Variants in NPC1 observed in about 807,000 individuals in gnomAD.
NPC1 encodes Niemann-Pick C1 protein.
Under a neutral mutation model 140.4 loss-of-function variants are expected in NPC1, and 85 were observed. The ratio of observed to expected loss-of-function variants is 0.61; its 90% CI spans 0.51 to 0.72. The LOEUF (loss-of-function observed/expected upper bound fraction) is 0.72, where lower values mean the gene tolerates loss of function less well. Ranked by LOEUF, NPC1 falls within the 30% of genes least tolerant of loss-of-function variation. The pLI, the probability that NPC1 is intolerant of heterozygous loss-of-function variation, is 0.00. For missense variants in NPC1, 1,504 were observed against 1,623.8 expected (o/e 0.93, Z 1.27); for synonymous variants, 656 against 624.8 (o/e 1.05, Z -0.74).
downstream of NPC1, among the ~76,000 whole-genome samples, chr18:23,521,216 A>G (rs2058133714): frequency 6.6e-6 from 1 of 152,248 alleles, no homozygotes; most frequent in South Asian, 2.1e-4. Context: ...TATGTTGTGA[A>G]AAAAGCATTT....
chr18:23,520,095 C>T (rs1019476870), downstream of NPC1: 1 of 806,578 alleles, frequency 1.2e-6, no homozygotes, highest in Non-Finnish European at 2.1e-6. Context: ...GGAGGAAATG[C>T]AAACACAGGC....
intron 10 of NPC1, among the ~76,000 whole-genome samples, 183 bp from the exon 11 acceptor site, chr18:23,548,291 G>C (rs2058817293): frequency 6.6e-6 from 1 of 151,346 alleles, no homozygotes; most frequent in African/African-American, 2.4e-5. Context: ...TGAATAAAAA[G>C]GATTTTTTAT....
intron 20 of NPC1, among the ~76,000 whole-genome samples, chr18:23,537,661 C>G (rs1229580165): frequency 1.3e-5 from 2 of 152,206 alleles, no homozygotes; most frequent in African/African-American, 4.8e-5. Context: ...CAGGGAGTGC[C>G]TGGCATGACG....
intron 2 of NPC1, among the ~76,000 whole-genome samples, chr18:23,573,108 T>C (rs763718254): frequency 7.9e-5 from 12 of 152,198 alleles, no homozygotes; most frequent in Non-Finnish European, 1.3e-4. Flanking sequence ...ACAGAGTCCA[T>C]TTGAGTCCTG....
rs748565840 is a variant in NPC1 at position 23,533,357 on chromosome 18, A to G, written c.3752T>C (p.Ile1251Thr). The G allele has an allele frequency of 1.2e-6, 2 of 1,613,962 alleles. No homozygotes were observed. Among genetic ancestry groups the G allele is most frequent in the Admixed American group, 1.7e-5 (1 of 60,036 alleles). The change falls in exon 24 of 25, where the codon ATA (isoleucine) becomes ACA (threonine). Residue 1251 changes from isoleucine (I) to threonine (T), a missense_variant and splice_region_variant. Physicochemically the swap from Ile to Thr is moderately conservative, Grantham distance 89. Transcript: ENST00000269228. ...LIFLPVLLSYIGPSVNKAKSC... is the reference protein window; with the variant it reads ...LIFLPVLLSYTGPSVNKAKSC... The stretch of plus-strand genomic sequence containing the variant: ...CCTTTTAAGATGAGAACTCTTACCT[A>G]TGTAACTGAGTAAGACAGGGAGAAA...
intron 11 of NPC1, 104 bp downstream of exon 11, chr18:23,547,900 CAG>C (rs1422246296): frequency 2.5e-6 from 2 of 796,804 alleles, no homozygotes; most frequent in Non-Finnish European, 4.6e-6. Flanking sequence ...CTACGTAACT[CAG>C]ATCTGCCATT....
chr18:23,551,530 G>A, intron 10 of NPC1, 97 bp downstream of exon 10: 2 of 950,566 alleles, frequency 2.1e-6, no homozygotes, highest in Admixed American at 1.7e-5. Flanking sequence ...TAACAAAACT[G>A]CCCAATTTAT....
chr18:23,529,436 G>A, downstream of NPC1: 1 of 1,405,358 alleles, frequency 7.1e-7, no homozygotes, highest in Non-Finnish European at 9.5e-7. Flanking sequence ...AGGCCCTAGA[G>A]CTGGTAGTTT....
rs764747426 is a variant in NPC1 at position 23,556,588 on chromosome 18, G to A, written c.981C>T (p.Val327=). ...TCAAGCAGCCCTCAAATGCTGCGCTGACAGGGTCACAGCAGGACGCCTCTC... is the reference window on the plus strand; with the variant it reads ...TCAAGCAGCCCTCAAATGCTGCGCTAACAGGGTCACAGCAGGACGCCTCTC... The part of the protein sequence containing the change: ...DKGEASCCDP[V]SAAFEGCLRR... Residue 327 remains valine (V), a synonymous_variant, in exon 8 of 25, where the codon GTC becomes GTT. Transcript: ENST00000269228. The A allele has an allele frequency of 4.3e-6, 7 of 1,613,964 alleles. No individual in the cohort carries two copies. The highest frequency in any genetic ancestry group is 4.2e-6 in the Non-Finnish European group (5 of 1,179,998).
At chr18:23,519,097 T>C (rs1341067360), downstream of NPC1, 2 of 1,614,166 alleles carry the variant, frequency 1.2e-6, no homozygotes, top group Admixed American at 1.7e-5. Flanking sequence ...GATGCACATA[T>C]TGAAGTTAAA....
rs764608473 is a variant in NPC1 at position 23,531,679 on chromosome 18, C to T, written c.*523G>A. 6.2e-6 allele frequency: 10 copies of T among 1,613,356 alleles called. 1 individual carries two copies. In the Middle Eastern group the frequency reaches 1.3e-3, roughly 213 times the overall value. Reference sequence around the variant, plus strand: ...TTCAAACAGATTTTTGGAGACCAAGCTCTAATGAGGCCTACAACATTCTGA... The same window carrying T: ...TTCAAACAGATTTTTGGAGACCAAGTTCTAATGAGGCCTACAACATTCTGA... On this transcript the variant is annotated 3_prime_UTR_variant, in exon 25 of 25. Transcript: ENST00000269228.
At chr18:23,585,194 T>C (rs1305062778) in intron 1 of NPC1, among the ~76,000 whole-genome samples, 3 of 152,172 alleles carry the variant, frequency 2.0e-5, no homozygotes, top group African/African-American at 7.2e-5. Flanking sequence ...CAGGCTGGAG[T>C]ACACCGGCGT....
chr18:23,520,075 T>C (rs1391319049), downstream of NPC1: 1 of 671,704 alleles, frequency 1.5e-6, no homozygotes, highest in Admixed American at 2.4e-5. Flanking sequence ...AAGTAAGAGC[T>C]AGCCTGTAGG....
intron 1 of NPC1, among the ~76,000 whole-genome samples, chr18:23,574,646 T>C (rs1463231298): frequency 6.6e-6 from 1 of 152,088 alleles, no homozygotes; most frequent in Non-Finnish European, 1.5e-5. Context: ...TGTGGGGAAA[T>C]CCAAGGCATC....
At chr18:23,578,137 G>A (rs1047579791) in intron 1 of NPC1, among the ~76,000 whole-genome samples, 2 of 152,252 alleles carry the variant, frequency 1.3e-5, no homozygotes, top group Admixed American at 6.5e-5. Context: ...AGCCCAGGCA[G>A]GGGAGGTGCC....
chr18:23,556,118 G>T, intron 8 of NPC1, 125 bp downstream of exon 8: 1 of 860,478 alleles, frequency 1.2e-6, no homozygotes, highest in Non-Finnish European at 2.0e-6. Context: ...GCCATTATAC[G>T]CTAAGATTTT....
chr18:23,539,601 G>A (rs2058683381), intron 18 of NPC1, 131 bp from the exon 19 acceptor site: 2 of 791,580 alleles, frequency 2.5e-6, no homozygotes, highest in South Asian at 1.7e-5. Flanking sequence ...AACTACATGA[G>A]CACTTAATGA....
chr18:23,514,934 C>T (rs1010294394), intron 3 of NPC1, among the ~76,000 whole-genome samples: 1 of 151,950 alleles, frequency 6.6e-6, no homozygotes, highest in Non-Finnish European at 1.5e-5. Flanking sequence ...TCTGTAATAT[C>T]GGAATATTTA....
chr18:23,575,474 T>C lies in NPC1; in HGVS notation c.58-1900A>G, dbSNP rs1222106951. 2.6e-5 allele frequency among the ~76,000 whole-genome samples: 4 copies of C among 151,990 alleles called. No homozygotes were observed. In the East Asian group the frequency reaches 7.7e-4, roughly 29 times the overall value. On this transcript the variant is annotated intron_variant, in intron 1 of 24. Transcript: ENST00000269228. ...ACCTGGAGCAGGTTACGTAACCACG[T>C]AGGAGTTTTCCTACCTGGGAAATGA...
Sources: allele counts gnomAD v4.1 joint callset (sites outside exome capture counted in the v4.1 genomes callset), GRCh38; gene constraint gnomAD v4.1.1; transcripts MANE v1.5; gene names NCBI Gene and HGNC (gene_info 2026-07-23, HGNC 2026-07-21).